The following ACYP2 variants were observed in gnomAD, a reference collection of about 807,000 sequenced individuals.
The protein encoded by ACYP2 is acylphosphatase 2, also known as acylphosphatase-2.
Under a neutral mutation model 11.2 loss-of-function variants are expected in ACYP2, and 12 were observed. The ratio of observed to expected loss-of-function variants is 1.08; its 90% CI spans 0.69 to 1.74. The LOEUF (loss-of-function observed/expected upper bound fraction) is 1.74. Ranked by LOEUF, ACYP2 falls within the 40% of genes most tolerant of loss-of-function variation. ACYP2 has a pLI of 0.00. For missense variants in ACYP2, 134 were observed against 101.9 expected (o/e 1.31, Z -1.35); for synonymous variants, 43 against 32.2 (o/e 1.33, Z -1.13).
At chr2:54,281,136 A>G (rs1454913963) in intron 6 of ACYP2, among the ~76,000 whole-genome samples, 1 of 152,234 alleles carries the variant, frequency 6.6e-6, no homozygotes, top group Non-Finnish European at 1.5e-5. Context: ...TCAAAACCAG[A>G]TTATTCTATA....
intron 4 of ACYP2, among the ~76,000 whole-genome samples, chr2:54,069,663 A>G (rs192496406): frequency 6.6e-6 from 1 of 152,216 alleles, no homozygotes; most frequent in South Asian, 2.1e-4. Context: ...CTCCGTCTCA[A>G]AAAAACAAAA....
At chr2:54,115,631 T>A (rs1679710759) in intron 4 of ACYP2, 1 of 1,572,804 alleles carries the variant, frequency 6.4e-7, no homozygotes, top group African/African-American at 1.4e-5. Context: ...CCCCTCCCTC[T>A]CGCAGCCGCC....
intron 4 of ACYP2, among the ~76,000 whole-genome samples, chr2:54,094,427 A>C (rs1364233663): frequency 6.6e-6 from 1 of 151,582 alleles, no homozygotes; most frequent in Non-Finnish European, 1.5e-5. Flanking sequence ...ACGGGGTTTC[A>C]CATGTTTGCC....
At chr2:54,146,722 T>C (rs182435446) in intron 6 of ACYP2, among the ~76,000 whole-genome samples, 1 of 152,278 alleles carries the variant, frequency 6.6e-6, no homozygotes, top group East Asian at 1.9e-4. Flanking sequence ...ATTCTTGTTG[T>C]TGTTTTCCCC....
chr2:53,974,288 C>G (rs1671354512), intron 2 of ACYP2, among the ~76,000 whole-genome samples: 2 of 151,974 alleles, frequency 1.3e-5, no homozygotes, highest in African/African-American at 2.4e-5. Flanking sequence ...GTGAGGACGA[C>G]AAAGAGCGGA....
chr2:54,100,702 A>T (rs1161467774), intron 4 of ACYP2, among the ~76,000 whole-genome samples: 1 of 152,302 alleles, frequency 6.6e-6, no homozygotes, highest in East Asian at 1.9e-4. Flanking sequence ...ATAGTATTTA[A>T]GATATTTAAA....
chr2:54,088,402 C>G (rs1558519577), intron 4 of ACYP2, among the ~76,000 whole-genome samples: 1 of 152,098 alleles, frequency 6.6e-6, no homozygotes, highest in Non-Finnish European at 1.5e-5. Context: ...TGAAAGGGGC[C>G]CCACAGGGAG....
intron 6 of ACYP2, among the ~76,000 whole-genome samples, chr2:54,150,673 C>T (rs774501902): frequency 3.3e-5 from 5 of 151,944 alleles, no homozygotes; most frequent in Non-Finnish European, 7.4e-5. Context: ...CGGCCCATCT[C>T]GGCCTCCCAA....
chr2:54,086,275 A>G (rs1242569482), intron 4 of ACYP2, among the ~76,000 whole-genome samples: 1 of 152,112 alleles, frequency 6.6e-6, no homozygotes, highest in Non-Finnish European at 1.5e-5. Flanking sequence ...GCAGAACTGG[A>G]AGGCTAACAC....
At chr2:54,254,918 G>T in intron 6 of ACYP2, 1 of 1,607,920 alleles carries the variant, frequency 6.2e-7, no homozygotes, top group Middle Eastern at 1.9e-4. Context: ...AAAGGCAAAG[G>T]TTAACCACAC....
At chr2:54,153,369 A>C (rs113918048) in intron 6 of ACYP2, among the ~76,000 whole-genome samples, 1 of 150,792 alleles carries the variant, frequency 6.6e-6, no homozygotes, top group African/African-American at 2.4e-5. Context: ...ATGCTGTTTT[A>C]ATTACTACAG....
intron 4 of ACYP2, among the ~76,000 whole-genome samples, chr2:54,104,846 A>G (rs146495256): frequency 6.6e-6 from 1 of 152,298 alleles, no homozygotes; most frequent in African/African-American, 2.4e-5. Flanking sequence ...AGTGAACATA[A>G]TGTGCAACTA....
chr2:54,053,204 G>A (rs1045596758), intron 3 of ACYP2, among the ~76,000 whole-genome samples: 6 of 152,178 alleles, frequency 3.9e-5, no homozygotes, highest in Non-Finnish European at 8.8e-5. Context: ...GGCAGAGTGC[G>A]GTTAGGAGAC....
intron 6 of ACYP2, among the ~76,000 whole-genome samples, chr2:54,276,046 T>G (rs1688547596): frequency 6.6e-6 from 1 of 152,210 alleles, no homozygotes; most frequent in Non-Finnish European, 1.5e-5. Context: ...TTTCTATCCT[T>G]GTTAGGAAAA....
chr2:54,060,278 T>C (rs575680413), intron 4 of ACYP2, among the ~76,000 whole-genome samples: 44 of 152,266 alleles, frequency 2.9e-4, no homozygotes, highest in African/African-American at 8.9e-4. Context: ...CTTTTTTATC[T>C]TTTGAGTTTA....
intron 4 of ACYP2, among the ~76,000 whole-genome samples, chr2:54,095,203 G>C (rs950233461): frequency 6.6e-6 from 1 of 152,170 alleles, no homozygotes; most frequent in Non-Finnish European, 1.5e-5. Flanking sequence ...AGGGTTGGGG[G>C]TAAGGTCACA....
In ACYP2 at chr2:54,143,772, C is replaced by G. The variant is rs867088463; in HGVS notation, c.404+5024C>G. Among the ~76,000 whole-genome samples the G allele has an allele frequency of 8.7e-3, 497 of 57,240 alleles. 6 individuals carry two copies. The highest frequency in any genetic ancestry group is 0.033 in the African/African-American group (485 of 14,662). The allele number at this position is 57,240 out of a possible 152,430, so 37.6% of individuals were successfully genotyped here. ...TTTTTTTTTTTGGGGGGGGGGTATTCTATCATGTTTTGATTTTAAAGTTTT... is the reference window on the plus strand; with the variant it reads ...TTTTTTTTTTTGGGGGGGGGGTATTGTATCATGTTTTGATTTTAAAGTTTT... On this transcript the variant is annotated intron_variant, in intron 6 of 6. Coordinates refer to ENST00000607452, the MANE Select transcript of ACYP2 (RefSeq NM_001320586.2).
At chr2:54,141,833 T>G in intron 6 of ACYP2, 1 of 536,602 alleles carries the variant, frequency 1.9e-6, no homozygotes, top group Non-Finnish European at 3.4e-6. Flanking sequence ...TAAGATAAAC[T>G]TTATGTATTT....
intron 4 of ACYP2, among the ~76,000 whole-genome samples, chr2:54,076,817 T>C (rs1430491211): frequency 2.0e-5 from 3 of 152,160 alleles, no homozygotes; most frequent in Non-Finnish European, 4.4e-5. Flanking sequence ...GCTTGCACAG[T>C]GTGTGAAAAA....
Sources: gnomAD v4.1 joint callset for allele counts (sites outside exome capture counted in the v4.1 genomes callset) on GRCh38, gnomAD v4.1.1 for gene constraint, MANE v1.5 for transcripts, NCBI Gene and HGNC (gene_info 2026-07-23, HGNC 2026-07-21) for gene names.